RNF185: variants seen among roughly 807,000 people sequenced by gnomAD.
The protein encoded by RNF185 is E3 ubiquitin-protein ligase RNF185.
A neutral mutation model predicts 24.9 loss-of-function variants in RNF185; 13 were observed. That is an observed-to-expected ratio of 0.52 (90% confidence interval 0.34 to 0.83). RNF185 has a LOEUF of 0.83. Ranked by LOEUF, RNF185 falls within the 40% of genes least tolerant of loss-of-function variation. The pLI is 0.01. For missense variants in RNF185, 184 were observed against 244.7 expected, an observed-to-expected ratio of 0.75 and a Z score of 1.65; for synonymous variants, 79 against 90.3, an observed-to-expected ratio of 0.88 and a Z score of 0.71.
rs113663342 is a variant in RNF185 at position 31,164,396 on chromosome 22, G to C, written c.-49+4093G>C. 4.9e-4 allele frequency among the ~76,000 whole-genome samples: 75 copies of C among 152,234 alleles called. 3 individuals carry two copies. The highest frequency in any genetic ancestry group is 1.7e-3 in the African/African-American group (71 of 41,540). On this transcript the variant is annotated intron_variant, in intron 1 of 6. Transcript: ENST00000326132. The stretch of plus-strand genomic sequence containing the variant: ...GTCAAAACTGTACATAATTATATCA[G>C]AATTATCCAAACAAGAAATTTAACA...
rs186098622 is a variant in RNF185, at chr22:31,193,940, T to G, written c.195+1238T>G. On this transcript the variant is annotated intron_variant, in intron 3 of 6. Coordinates refer to ENST00000326132, the MANE Select transcript of RNF185 (RefSeq NM_152267.4). ...GACAGTCTCATTCTGTCGCCCAGGC[T>G]AGAGTGCAATGGTGAGATCTCGGCT... 4.3e-3 allele frequency among the ~76,000 whole-genome samples: 650 copies of G among 150,548 alleles called. 4 individuals carry two copies. Among genetic ancestry groups the G allele is most frequent in the African/African-American group, 0.015 (618 of 41,008 alleles).
At chr22:31,185,727 T>A (rs1313746087) in intron 1 of RNF185, among the ~76,000 whole-genome samples, 1 of 152,180 alleles carries the variant, frequency 6.6e-6, no homozygotes, top group Non-Finnish European at 1.5e-5. Flanking sequence ...CAGATAAGGC[T>A]CCTGACAGAT....
intron 1 of RNF185, among the ~76,000 whole-genome samples, chr22:31,170,504 TTTTTATTTA>T (rs976178360): frequency 1.1e-4 from 17 of 150,854 alleles, no homozygotes; most frequent in Non-Finnish European, 4.4e-5. Flanking sequence ...TGGTTTTTAT[TTTTTATTTA>T]TTTTATTTAT....
intron 1 of RNF185, among the ~76,000 whole-genome samples, chr22:31,180,669 G>T (rs553670547): frequency 1.3e-5 from 2 of 152,138 alleles, no homozygotes; most frequent in East Asian, 3.9e-4. Flanking sequence ...AGGGTTACAG[G>T]CATGAGCCAC....
intron 1 of RNF185, among the ~76,000 whole-genome samples, chr22:31,182,486 GAT>G: frequency 6.6e-6 from 1 of 152,134 alleles, no homozygotes; most frequent in Non-Finnish European, 1.5e-5. Flanking sequence ...TTTTGGTAGA[GAT>G]AGGGTTTCAC....
chr22:31,167,030 C>T (rs1476605939), intron 1 of RNF185, among the ~76,000 whole-genome samples: 6 of 151,892 alleles, frequency 4.0e-5, no homozygotes, highest in Admixed American at 1.3e-4. Flanking sequence ...ACTATGTAGA[C>T]GTAATGTGTA....
At chr22:31,179,095 A>G (rs2048009744) in intron 1 of RNF185, among the ~76,000 whole-genome samples, 1 of 152,196 alleles carries the variant, frequency 6.6e-6, no homozygotes, top group African/African-American at 2.4e-5. Context: ...GTCAGGAGAA[A>G]AGAATGGTCA....
intron 5 of RNF185, chr22:31,197,304 G>C: frequency 3.9e-6 from 1 of 254,708 alleles, no homozygotes; most frequent in Non-Finnish European, 7.6e-6. Context: ...ACAATATGTG[G>C]CTCCTGTTTT....
At chr22:31,193,814 C>T (rs574261142) in intron 3 of RNF185, among the ~76,000 whole-genome samples, 23 of 147,956 alleles carry the variant, frequency 1.6e-4, no homozygotes, top group African/African-American at 5.2e-4. Context: ...ACCAAAAAAC[C>T]GAAAAAAAAA....
At chr22:31,195,854 G>T (rs2048200511) in intron 4 of RNF185, among the ~76,000 whole-genome samples, 1 of 152,236 alleles carries the variant, frequency 6.6e-6, no homozygotes, top group Admixed American at 6.5e-5. Flanking sequence ...AGGATATGTA[G>T]CAGGAGAGGC....
intron 1 of RNF185, among the ~76,000 whole-genome samples, chr22:31,180,263 G>A (rs1019286265): frequency 2.0e-5 from 3 of 152,162 alleles, no homozygotes; most frequent in African/African-American, 7.2e-5. Flanking sequence ...AGGAGTTCAA[G>A]AGCAGCCTGG....
At chr22:31,177,731 A>G (rs1366663457) in intron 1 of RNF185, among the ~76,000 whole-genome samples, 2 of 152,192 alleles carry the variant, frequency 1.3e-5, no homozygotes, top group Non-Finnish European at 2.9e-5. Context: ...CATGCCTGTT[A>G]TTTATCACCC....
At chr22:31,176,566 G>C (rs1325344446) in intron 1 of RNF185, among the ~76,000 whole-genome samples, 1 of 148,664 alleles carries the variant, frequency 6.7e-6, no homozygotes, top group East Asian at 2.0e-4. Flanking sequence ...TCAGCTCACT[G>C]TAAGCTCCGC....
intron 1 of RNF185, among the ~76,000 whole-genome samples, chr22:31,165,165 G>T (rs1441171265): frequency 1.3e-5 from 2 of 151,860 alleles, no homozygotes; most frequent in Non-Finnish European, 2.9e-5. Context: ...TGATCTGTCT[G>T]CCTCAGCCTC....
chr22:31,192,840 T>A, intron 3 of RNF185, 138 bp downstream of exon 3: 1 of 738,888 alleles, frequency 1.4e-6, no homozygotes, highest in Middle Eastern at 2.7e-4. Context: ...CACAGCCTTC[T>A]TTACATACCT....
At chr22:31,187,856 C>G (rs1005577636) in intron 2 of RNF185, among the ~76,000 whole-genome samples, 1 of 152,094 alleles carries the variant, frequency 6.6e-6, no homozygotes, top group Non-Finnish European at 1.5e-5. Context: ...CCAGCCTTGA[C>G]GGTTACAGGA....
intron 5 of RNF185, among the ~76,000 whole-genome samples, chr22:31,201,260 C>T (rs1263008662): frequency 6.6e-6 from 1 of 152,148 alleles, no homozygotes; most frequent in African/African-American, 2.4e-5. Context: ...CCTTTTTGGC[C>T]CATTCATAGA....
intron 1 of RNF185, among the ~76,000 whole-genome samples, chr22:31,183,366 G>A (rs2048058514): frequency 6.6e-6 from 1 of 151,022 alleles, no homozygotes; most frequent in Non-Finnish European, 1.5e-5. Context: ...AAATCTATAT[G>A]CATAATTTTT....
At chr22:31,203,110 G>C (rs1456075072) in intron 6 of RNF185, among the ~76,000 whole-genome samples, 2 of 152,150 alleles carry the variant, frequency 1.3e-5, no homozygotes, top group Non-Finnish European at 2.9e-5. Flanking sequence ...GGATTCCCCA[G>C]CTAAGCAGAG....
Sources: gnomAD v4.1 joint callset for allele counts (sites outside exome capture counted in the v4.1 genomes callset) on GRCh38, gnomAD v4.1.1 for gene constraint, MANE v1.5 for transcripts, NCBI Gene and HGNC (gene_info 2026-07-23, HGNC 2026-07-21) for gene names.